FEM1C: variants seen among roughly 807,000 people sequenced by gnomAD.
FEM1C encodes the protein fem-1 homolog C, also known as protein fem-1 homolog C.
In FEM1C, 15 loss-of-function variants were observed where a neutral mutation model predicts 37.6. The observed-to-expected ratio is 0.40, with a 90% CI of 0.27 to 0.61. FEM1C has a LOEUF of 0.61. Ranked by LOEUF, FEM1C falls within the 20% of genes least tolerant of loss-of-function variation. The probability of loss-of-function intolerance (pLI) is 0.42; values close to 1 mark genes in which losing one functional copy is unlikely to be tolerated. For synonymous variants in FEM1C, 287 were observed against 272.8 expected, an observed-to-expected ratio of 1.05 and a Z score of -0.51; for missense variants, 532 against 749.7, an observed-to-expected ratio of 0.71 and a Z score of 3.39.
At chr5:115,535,584 A>AAAG (rs749270892) in intron 2 of FEM1C, among the ~76,000 whole-genome samples, 1 of 151,974 alleles carries the variant, frequency 6.6e-6, no homozygotes, top group Non-Finnish European at 1.5e-5. Context: ...CTATATTAAA[A>AAAG]AAGAAGAAGA....
intron 2 of FEM1C, among the ~76,000 whole-genome samples, chr5:115,533,768 AC>A (rs1213349819): frequency 6.6e-6 from 1 of 151,974 alleles, no homozygotes; most frequent in Non-Finnish European, 1.5e-5. Flanking sequence ...AATAAATATT[AC>A]CAGGAATCTG....
At chr5:115,529,571 G>A (rs13162494) in intron 2 of FEM1C, among the ~76,000 whole-genome samples, 7,604 of 152,138 alleles carry the variant, frequency 0.05, 260 homozygotes, top group Middle Eastern at 0.095. Context: ...GATGAGCCAC[G>A]TGGAAGCCTG....
Position 115,524,826 on chromosome 5 carries a change from A to C in FEM1C, c.1336T>G (p.Leu446Val). The C allele has an allele frequency of 6.2e-7, 1 of 1,608,018 alleles. No homozygotes were observed. Among genetic ancestry groups the C allele is most frequent in the Non-Finnish European group, 8.5e-7 (1 of 1,177,590 alleles). Reference protein sequence around the residue: ...LQLNKALSIILHLICLLEKVP... With the variant: ...LQLNKALSIIVHLICLLEKVP... ...TTCTCTAACAAGCAAATTAAGTGCA[A>C]AATAATAGAAAGGGCCTTATTTAAC... The change falls in exon 3 of 3, where the codon TTG (leucine) becomes GTG (valine). Residue 446 changes from leucine to valine, a missense_variant. This residue lies in a region of FEM1C where 237 missense variants were observed against 260.5 expected (regional missense o/e 0.91). Transcript: ENST00000274457.
intron 2 of FEM1C, among the ~76,000 whole-genome samples, chr5:115,531,033 T>C (rs773534468): frequency 7.9e-5 from 12 of 152,100 alleles, no homozygotes; most frequent in Non-Finnish European, 1.8e-4. Context: ...GTTGCCCCCT[T>C]TTAATCTTAT....
In FEM1C at chr5:115,524,834, G is replaced by A. The variant is rs927359267; in HGVS notation, c.1328C>T (p.Ser443Phe). Residue 443 changes from serine (S) to phenylalanine (F), a missense_variant, in exon 3 of 3, where the codon TCT becomes TTT. Ser to Phe is a radical substitution (Grantham distance 155). Around this residue, in one of 3 missense-constraint regions of FEM1C, gnomAD observed 237 missense variants for 260.5 expected, o/e 0.91. Coordinates refer to ENST00000274457, the MANE Select transcript of FEM1C (RefSeq NM_020177.3). ...CAAGCAAATTAAGTGCAAAATAATAGAAAGGGCCTTATTTAACTGTAATGG... is the reference window on the plus strand; with the variant it reads ...CAAGCAAATTAAGTGCAAAATAATAAAAAGGGCCTTATTTAACTGTAATGG... The part of the protein sequence containing the change: ...ADPLQLNKAL[S>F]IILHLICLLE... The A allele has an allele frequency of 2.5e-6, 4 of 1,610,070 alleles. No individual in the cohort carries two copies. The African/African-American group carries it at 5.4e-5, about 22-fold the overall frequency.
Position 115,522,433 on chromosome 5 carries a change from T to C in FEM1C, c.*1875A>G, listed in dbSNP as rs1040519395. Reference sequence around the variant, plus strand: ...ATAGTAAAACCTCTTCATCAAAAAGTTGGAGATCGTTCATTTATATCCAAT... The same window carrying C: ...ATAGTAAAACCTCTTCATCAAAAAGCTGGAGATCGTTCATTTATATCCAAT... On this transcript the variant is annotated 3_prime_UTR_variant, in exon 3 of 3. Coordinates refer to ENST00000274457, the MANE Select transcript of FEM1C (RefSeq NM_020177.3). 6.6e-6 allele frequency: 1 copy of C among 151,940 alleles called. No homozygotes were observed. Among genetic ancestry groups the C allele is most frequent in the Admixed American group, 6.6e-5 (1 of 15,208 alleles). 9.4% of individuals were successfully genotyped at this position (151,940 alleles called of 1,614,324 possible).
At chr5:115,531,557 A>C (rs964751837) in intron 2 of FEM1C, among the ~76,000 whole-genome samples, 2 of 152,056 alleles carry the variant, frequency 1.3e-5, no homozygotes, top group Non-Finnish European at 2.9e-5. Context: ...GGACTGGCAA[A>C]CTTTTCCGGT....
Position 115,544,634 on chromosome 5 carries a change from G to A in FEM1C, c.-302C>T. 6.5e-6 allele frequency: 1 copy of A among 154,592 alleles called. No homozygotes were observed. Among genetic ancestry groups the A allele is most frequent in the Non-Finnish European group, 1.4e-5 (1 of 69,880 alleles). The allele number at this position is 154,592 out of a possible 1,614,324, so 9.6% of individuals were successfully genotyped here. On this transcript the variant is annotated 5_prime_UTR_variant, in exon 1 of 3. Transcript: ENST00000274457. ...GCCCGGGCCGCCCTGCTCCGCCTGC[G>A]GCCGCACAGCTCCTCCATGCTCCGC...
At chr5:115,543,887 AGG>A in intron 1 of FEM1C, 1 of 984,956 alleles carries the variant, frequency 1.0e-6, no homozygotes, top group Non-Finnish European at 1.2e-6. Context: ...TTCTGGTCGC[AGG>A]CAGTCTCCTC....
At chr5:115,530,989 A>G (rs1191007032) in intron 2 of FEM1C, among the ~76,000 whole-genome samples, 2 of 152,100 alleles carry the variant, frequency 1.3e-5, no homozygotes, top group Non-Finnish European at 2.9e-5. Context: ...ATGCGAATAC[A>G]GCATTTTTTT....
At chr5:115,535,305 C>T (rs1452348825) in intron 2 of FEM1C, among the ~76,000 whole-genome samples, 1 of 131,370 alleles carries the variant, frequency 7.6e-6, no homozygotes, top group Non-Finnish European at 1.6e-5. Context: ...AAAACAAACA[C>T]AGAATGAGAG....
At chr5:115,531,193 T>C (rs542451416) in intron 2 of FEM1C, among the ~76,000 whole-genome samples, 1 of 152,244 alleles carries the variant, frequency 6.6e-6, no homozygotes, top group East Asian at 1.9e-4. Flanking sequence ...CCAGTCATAT[T>C]AAACCTCAAT....
rs570591315 is a variant in FEM1C at position 115,526,473 on chromosome 5, C to T, written c.545-856G>A. Among the ~76,000 whole-genome samples the T allele has an allele frequency of 3.3e-5, 5 of 152,142 alleles. No individual in the cohort carries two copies. The East Asian group carries it at 9.7e-4, about 29-fold the overall frequency. On this transcript the variant is annotated intron_variant, in intron 2 of 2. Transcript: ENST00000274457. ...CTGTACTAAATGTTCTAACACTGTC[C>T]TTTTCTTCCCACACACAGATTAAAA...
At chr5:115,538,440 A>G (rs552583126) in intron 2 of FEM1C, among the ~76,000 whole-genome samples, 12 of 152,020 alleles carry the variant, frequency 7.9e-5, no homozygotes, top group African/African-American at 2.4e-4. Flanking sequence ...GGAGCTTATA[A>G]TCTTTCCTCT....
intron 2 of FEM1C, among the ~76,000 whole-genome samples, chr5:115,533,506 A>T (rs1215424045): frequency 6.6e-6 from 1 of 152,086 alleles, no homozygotes; most frequent in Non-Finnish European, 1.5e-5. Flanking sequence ...GTTACATGCC[A>T]AAGATCATTA....
intron 2 of FEM1C, among the ~76,000 whole-genome samples, chr5:115,542,083 A>G (rs183531845): frequency 7.2e-5 from 11 of 152,330 alleles, no homozygotes; most frequent in African/African-American, 1.4e-4. Flanking sequence ...TGTCGTATAA[A>G]TAGATTCGTG....
chr5:115,536,197 A>C (rs149317521), intron 2 of FEM1C, among the ~76,000 whole-genome samples: 61 of 152,110 alleles, frequency 4.0e-4, no homozygotes, highest in Admixed American at 1.6e-3. Flanking sequence ...AATTGTATAC[A>C]CTTTAAGTGG....
At chr5:115,540,635 C>T (rs990018831) in intron 2 of FEM1C, among the ~76,000 whole-genome samples, 2 of 152,032 alleles carry the variant, frequency 1.3e-5, no homozygotes, top group African/African-American at 4.8e-5. Context: ...ATACTGTTCA[C>T]AGCTTCTCAG....
Position 115,525,116 on chromosome 5 carries a change from G to A in FEM1C, c.1046C>T (p.Ala349Val), listed in dbSNP as rs1467300010. ...GCATCGTTTGAAATTTCCAGAGTCT[G>A]CATAGACAGCGCCTCTATATCTAAT... ...YYIRYRGAVY[A>V]DSGNFKRCIN... Residue 349 changes from alanine (A) to valine (V), a missense_variant, in exon 3 of 3, where the codon GCA becomes GTA. This residue lies in a region of FEM1C where 221 missense variants were observed against 404.1 expected (regional missense o/e 0.55). Transcript: ENST00000274457. 6.2e-7 allele frequency: 1 copy of A among 1,613,802 alleles called. No homozygotes were observed. Among genetic ancestry groups the A allele is most frequent in the Non-Finnish European group, 8.5e-7 (1 of 1,179,840 alleles).
Sources: allele counts gnomAD v4.1 joint callset (sites outside exome capture counted in the v4.1 genomes callset), GRCh38; gene constraint gnomAD v4.1.1; regional missense constraint gnomAD v4.1.1; transcripts MANE v1.5; gene names NCBI Gene and HGNC (gene_info 2026-07-23, HGNC 2026-07-21).